Variants in CNIH3 observed in about 807,000 individuals in gnomAD.
CNIH3 encodes the protein cornichon family AMPA receptor auxiliary protein 3.
In CNIH3, 14 loss-of-function variants were observed where a neutral mutation model predicts 24.1. The ratio of observed to expected loss-of-function variants is 0.58; its 90% CI spans 0.38 to 0.91. The LOEUF (loss-of-function observed/expected upper bound fraction) is 0.91, where lower values mean the gene tolerates loss of function less well. CNIH3 is among the 40% of genes least tolerant of loss of function. CNIH3 has a pLI of 0.00. For synonymous variants in CNIH3, 68 were observed against 73.8 expected, an observed-to-expected ratio of 0.92 and a Z score of 0.40; for missense variants, 178 against 196.8, an observed-to-expected ratio of 0.90 and a Z score of 0.57.
intron 3 of CNIH3, among the ~76,000 whole-genome samples, chr1:224,606,861 T>A (rs1371309340): frequency 1.3e-5 from 2 of 152,144 alleles, no homozygotes; most frequent in Non-Finnish European, 1.5e-5. Flanking sequence ...TGCTGCCAGG[T>A]GCTTTGGTGC....
intron 1 of CNIH3, among the ~76,000 whole-genome samples, chr1:224,441,385 C>T (rs554005218): frequency 1.3e-5 from 2 of 152,298 alleles, no homozygotes; most frequent in East Asian, 1.9e-4. Context: ...ACACCCACCC[C>T]ATCTCTCATT....
At chr1:224,498,427 T>G (rs969397420) in intron 1 of CNIH3, among the ~76,000 whole-genome samples, 4 of 152,204 alleles carry the variant, frequency 2.6e-5, no homozygotes, top group African/African-American at 9.7e-5. Context: ...AAAGCTTATA[T>G]GCAACTCTCT....
At chr1:224,560,001 A>G (rs1356083763) in intron 3 of CNIH3, among the ~76,000 whole-genome samples, 5 of 152,244 alleles carry the variant, frequency 3.3e-5, no homozygotes, top group Admixed American at 3.3e-4. Flanking sequence ...ATAACTTTAT[A>G]TAATCATAGA....
At chr1:224,674,272 GTTTTTTTTTTTTTTTTTTTTTTTTTT>G (rs71170028) in intron 1 of CNIH3, among the ~76,000 whole-genome samples, 1 of 72,062 alleles carries the variant, frequency 1.4e-5, no homozygotes, top group Non-Finnish European at 2.7e-5. Flanking sequence ...TTCCAGGAAG[GTTTTTTTTTTTTTTTTTTTTTTTTTT>G]TTTTTTTTTG....
At chr1:224,663,225 G>A (rs1251705934) in intron 1 of CNIH3, among the ~76,000 whole-genome samples, 1 of 152,054 alleles carries the variant, frequency 6.6e-6, no homozygotes, top group Admixed American at 6.5e-5. Flanking sequence ...ATGAGATCAG[G>A]CCATTCGGGG....
intron 1 of CNIH3, among the ~76,000 whole-genome samples, chr1:224,504,175 A>G (rs1677802281): frequency 6.6e-6 from 1 of 152,170 alleles, no homozygotes; most frequent in Admixed American, 6.5e-5. Flanking sequence ...CTGTTGCCAC[A>G]TGTTAGCTGA....
chr1:224,489,139 TC>T (rs560898882), intron 1 of CNIH3, among the ~76,000 whole-genome samples: 12 of 151,336 alleles, frequency 7.9e-5, no homozygotes, highest in African/African-American at 1.5e-4. Context: ...GTATTTTTCT[TC>T]TTTTTTTTAA....
chr1:224,563,776 G>A (rs1289574135), intron 3 of CNIH3, among the ~76,000 whole-genome samples: 2 of 152,104 alleles, frequency 1.3e-5, no homozygotes, highest in Non-Finnish European at 2.9e-5. Context: ...GAACCAGATG[G>A]TTCAAAGGAA....
chr1:224,516,790 C>T (rs1244100408), intron 1 of CNIH3, among the ~76,000 whole-genome samples: 1 of 152,256 alleles, frequency 6.6e-6, no homozygotes, highest in Non-Finnish European at 1.5e-5. Flanking sequence ...TTTTCTTACC[C>T]TCTGCCATCA....
At chr1:224,498,663 C>T (rs1189294077) in intron 1 of CNIH3, among the ~76,000 whole-genome samples, 1 of 152,130 alleles carries the variant, frequency 6.6e-6, no homozygotes, top group Non-Finnish European at 1.5e-5. Flanking sequence ...ATGAAACAGT[C>T]AGTTTGGAAT....
In CNIH3 at chr1:224,674,293, T is replaced by G. The variant is rs1255197206; in HGVS notation, c.82-6665T>G. On this transcript the variant is annotated intron_variant, in intron 1 of 5. Transcript: ENST00000272133. ...GAAGGTTTTTTTTTTTTTTTTTTTTTTTTTTTTTTTTTTTGCCATAGTACA... is the reference window on the plus strand; with the variant it reads ...GAAGGTTTTTTTTTTTTTTTTTTTTGTTTTTTTTTTTTTTGCCATAGTACA... 1.9e-4 allele frequency among the ~76,000 whole-genome samples: 20 copies of G among 108,068 alleles called. 1 individual carries two copies. Among genetic ancestry groups the G allele is most frequent in the Admixed American group, 1.9e-4 (2 of 10,806 alleles). 70.9% of individuals were successfully genotyped at this position (108,068 alleles called of 152,430 possible).
intron 3 of CNIH3, among the ~76,000 whole-genome samples, chr1:224,605,860 G>A (rs1307981787): frequency 6.6e-6 from 1 of 152,186 alleles, no homozygotes; most frequent in Non-Finnish European, 1.5e-5. Flanking sequence ...CCTTCAGGGA[G>A]ATTGATTTGA....
intron 1 of CNIH3, among the ~76,000 whole-genome samples, chr1:224,638,658 G>A (rs1208383792): frequency 1.3e-5 from 2 of 152,160 alleles, no homozygotes; most frequent in African/African-American, 4.8e-5. Context: ...GTGGGTTCAG[G>A]ACTCTGAATT....
chr1:224,549,806 T>G (rs1425480440), intron 3 of CNIH3, among the ~76,000 whole-genome samples: 1 of 152,092 alleles, frequency 6.6e-6, no homozygotes, highest in African/African-American at 2.4e-5. Context: ...ATCACAGTGC[T>G]TACATTTACA....
At chr1:224,720,228 A>G (rs575219234) in intron 3 of CNIH3, among the ~76,000 whole-genome samples, 23 of 151,746 alleles carry the variant, frequency 1.5e-4, no homozygotes, top group Admixed American at 7.2e-4. Context: ...ACACCACTTA[A>G]TAAGTGTTAA....
chr1:224,664,104 A>G (rs1012143482), intron 1 of CNIH3, among the ~76,000 whole-genome samples: 2 of 151,944 alleles, frequency 1.3e-5, no homozygotes, highest in African/African-American at 4.9e-5. Flanking sequence ...TCAGCCAACT[A>G]AAATTGGGGG....
chr1:224,588,830 T>C (rs2125024815), downstream of CNIH3, among the ~76,000 whole-genome samples: 1 of 148,784 alleles, frequency 6.7e-6, no homozygotes, highest in East Asian at 2.0e-4. Context: ...AAAAAGACTT[T>C]GGATAATAAG....
chr1:224,609,167 CT>C (rs1484048453), intron 3 of CNIH3, among the ~76,000 whole-genome samples: 8 of 152,138 alleles, frequency 5.3e-5, no homozygotes, highest in Non-Finnish European at 1.0e-4. Flanking sequence ...TACTGTAACA[CT>C]GAGGGGTGAG....
intron 2 of CNIH3, among the ~76,000 whole-genome samples, chr1:224,542,866 G>A (rs919728341): frequency 6.6e-6 from 1 of 152,158 alleles, no homozygotes; most frequent in African/African-American, 2.4e-5. Context: ...TAATTTCTCT[G>A]GTCTTTGTCC....
Sources: gnomAD v4.1 joint callset for allele counts (sites outside exome capture counted in the v4.1 genomes callset) on GRCh38, gnomAD v4.1.1 for gene constraint, MANE v1.5 for transcripts, NCBI Gene and HGNC (gene_info 2026-07-23, HGNC 2026-07-21) for gene names.